Variants in RYK observed in about 807,000 individuals in gnomAD.
The protein encoded by RYK is receptor like tyrosine kinase.
A neutral mutation model predicts 70.2 loss-of-function variants in RYK; 21 were observed. That is an observed-to-expected ratio of 0.30 (90% CI 0.21 to 0.43). The LOEUF (loss-of-function observed/expected upper bound fraction) is 0.43, where lower values mean the gene tolerates loss of function less well. Ranked by LOEUF, RYK falls within the 20% of genes least tolerant of loss-of-function variation. RYK has a pLI of 1.00. For synonymous variants in RYK, 267 were observed against 278.0 expected, an observed-to-expected ratio of 0.96 and a Z score of 0.39; for missense variants, 604 against 753.3, an observed-to-expected ratio of 0.80 and a Z score of 2.32.
At chr3:134,192,122 G>T in intron 7 of RYK, 148 bp from the exon 8 acceptor site, 1 of 706,652 alleles carries the variant, frequency 1.4e-6, no homozygotes, top group East Asian at 3.1e-5. Flanking sequence ...TGAACTAGGA[G>T]AGTTATTTGA....
chr3:134,227,711 C>T (rs985081928), intron 1 of RYK, among the ~76,000 whole-genome samples: 1 of 151,802 alleles, frequency 6.6e-6, no homozygotes, highest in South Asian at 2.1e-4. Context: ...GCTCTGTCGC[C>T]GAGGCTGGAG....
chr3:134,188,958 A>G, intron 8 of RYK, 35 bp from the exon 9 acceptor site: 1 of 1,194,628 alleles, frequency 8.4e-7, no homozygotes, highest in Non-Finnish European at 1.2e-6. Flanking sequence ...GAGATCATAC[A>G]ACATTCATAA....
intron 2 of RYK, among the ~76,000 whole-genome samples, chr3:134,215,692 A>C (rs1206556991): frequency 6.6e-6 from 1 of 152,180 alleles, no homozygotes; most frequent in African/African-American, 2.4e-5. Flanking sequence ...GGACAAAGAA[A>C]TTTGAACAGC....
chr3:134,217,184 A>G (rs558099463), intron 2 of RYK, among the ~76,000 whole-genome samples: 25 of 152,336 alleles, frequency 1.6e-4, no homozygotes, highest in Admixed American at 3.3e-4. Context: ...GAACCGACAC[A>G]TATCAGGGAG....
intron 6 of RYK, among the ~76,000 whole-genome samples, chr3:134,196,368 A>T (rs1378046167): frequency 6.6e-6 from 1 of 152,174 alleles, no homozygotes; most frequent in Non-Finnish European, 1.5e-5. Context: ...CAAGTCTCCA[A>T]CTTTCCTTAA....
intron 1 of RYK, among the ~76,000 whole-genome samples, chr3:134,249,524 G>A (rs1176416441): frequency 6.6e-6 from 1 of 152,126 alleles, no homozygotes; most frequent in African/African-American, 2.4e-5. Context: ...TTCCTTTTTG[G>A]GGGGTCGTTC....
At position 134,202,930 on chromosome 3, in the gene RYK, G is replaced by T; in HGVS notation, c.644-56C>A. The T allele has an allele frequency of 2.8e-6, 4 of 1,417,800 alleles. No individual in the cohort carries two copies. In the South Asian group the frequency reaches 3.7e-5, roughly 13 times the overall value. The allele number at this position is 1,417,800 out of a possible 1,614,324, so 87.8% of individuals were successfully genotyped here. A position where few individuals can be genotyped will look rare whatever the true frequency, so the allele number is the denominator to read the frequency against. The stretch of plus-strand genomic sequence containing the variant: ...TTTTAAACAAATATGACTGCTTTGT[G>T]ACCCAATATACATAAATAAGTATTC... On this transcript the variant is annotated intron_variant, in intron 5 of 14. Coordinates refer to ENST00000623711, the MANE Select transcript of RYK (RefSeq NM_002958.4).
At chr3:134,188,605 G>T (rs1012380307) in intron 9 of RYK, among the ~76,000 whole-genome samples, 1 of 152,178 alleles carries the variant, frequency 6.6e-6, no homozygotes, top group African/African-American at 2.4e-5. Flanking sequence ...TAATATCTAA[G>T]AAATGTCTTA....
intron 1 of RYK, among the ~76,000 whole-genome samples, chr3:134,228,495 G>A (rs571171338): frequency 2.6e-5 from 4 of 152,142 alleles, no homozygotes; most frequent in Non-Finnish European, 5.9e-5. Flanking sequence ...TGTACACAAT[G>A]TAGTATTATT....
intron 1 of RYK, among the ~76,000 whole-genome samples, chr3:134,230,924 G>A (rs538550360): frequency 6.6e-5 from 10 of 152,194 alleles, no homozygotes; most frequent in Non-Finnish European, 1.5e-4. Context: ...TCATAGCATA[G>A]TATTTGTACT....
intron 13 of RYK, among the ~76,000 whole-genome samples, chr3:134,169,315 G>C (rs922816276): frequency 2.0e-5 from 3 of 152,134 alleles, no homozygotes; most frequent in Admixed American, 2.0e-4. Context: ...TAGTTCTTAA[G>C]AGCAGAATTA....
chr3:134,228,965 CTATAAA>C (rs1450582792), intron 1 of RYK, among the ~76,000 whole-genome samples: 5 of 151,780 alleles, frequency 3.3e-5, no homozygotes, highest in African/African-American at 1.2e-4. Flanking sequence ...AAACTGTACT[CTATAAA>C]TATGTACAAT....
At chr3:134,230,184 A>G (rs1293011229) in intron 1 of RYK, among the ~76,000 whole-genome samples, 1 of 152,130 alleles carries the variant, frequency 6.6e-6, no homozygotes, top group Non-Finnish European at 1.5e-5. Flanking sequence ...CCTCCCAGGT[A>G]CAAGCGATTC....
chr3:134,181,257 A>G (rs1247589266), intron 10 of RYK: 1 of 152,152 alleles, frequency 6.6e-6, no homozygotes, highest in Non-Finnish European at 1.5e-5. Context: ...ACCATTAAGC[A>G]CTTTCAACAC....
chr3:134,213,270 G>T (rs112542692), intron 2 of RYK, among the ~76,000 whole-genome samples: 1 of 152,318 alleles, frequency 6.6e-6, no homozygotes, highest in African/African-American at 2.4e-5. Flanking sequence ...TTGGAACCAT[G>T]AGACCATGTG....
At chr3:134,226,489 T>A (rs2014914240) in intron 1 of RYK, among the ~76,000 whole-genome samples, 1 of 152,140 alleles carries the variant, frequency 6.6e-6, no homozygotes, top group African/African-American at 2.4e-5. Context: ...TCCTAACTCA[T>A]CTGATGAGGC....
rs1293756815 is a variant in RYK at position 134,207,462 on chromosome 3, T to C, written c.643+10A>G. Reference sequence around the variant, plus strand: ...CTAATAATGGATAAAGATAATACAGTAACACTTACAAATAGTTCTGCTAGT... The same window carrying C: ...CTAATAATGGATAAAGATAATACAGCAACACTTACAAATAGTTCTGCTAGT... On this transcript the variant is annotated intron_variant, in intron 5 of 14. Coordinates refer to ENST00000623711, the MANE Select transcript of RYK (RefSeq NM_002958.4). 2 of 1,515,190 alleles carry C rather than the reference T, an allele frequency of 1.3e-6. No individual in the cohort carries two copies. Among genetic ancestry groups the C allele is most frequent in the Non-Finnish European group, 1.8e-6 (2 of 1,121,664 alleles). 93.9% of individuals were successfully genotyped at this position (1,515,190 alleles called of 1,614,324 possible). A position where few individuals can be genotyped will look rare whatever the true frequency, so the allele number is the denominator to read the frequency against.
intron 5 of RYK, among the ~76,000 whole-genome samples, chr3:134,204,591 C>CCACA (rs59154111): frequency 0.077 from 10,893 of 140,632 alleles, 460 homozygotes; most frequent in African/African-American, 0.089. Flanking sequence ...ACAGCCACAG[C>CCACA]CACACACACA....
At chr3:134,162,174 C>A (rs2012496410) in intron 13 of RYK, among the ~76,000 whole-genome samples, 1 of 151,758 alleles carries the variant, frequency 6.6e-6, no homozygotes. Context: ...GTTACATCTG[C>A]AATGACCCTA....
Sources: gnomAD v4.1 joint callset for allele counts (sites outside exome capture counted in the v4.1 genomes callset) on GRCh38, gnomAD v4.1.1 for gene constraint, MANE v1.5 for transcripts, NCBI Gene and HGNC (gene_info 2026-07-23, HGNC 2026-07-21) for gene names.